ARL15: variants seen among roughly 807,000 people sequenced by gnomAD.
ARL15 encodes ADP-ribosylation factor-like protein 15.
In ARL15, 19 loss-of-function variants were observed where a neutral mutation model predicts 25.2. The observed-to-expected ratio is 0.75, with a 90% CI of 0.53 to 1.10. ARL15 has a LOEUF of 1.10. ARL15 is among the 50% of genes least tolerant of loss of function. The probability of loss-of-function intolerance (pLI) is 0.00; values close to 1 mark genes in which losing one functional copy is unlikely to be tolerated. For missense variants in ARL15, 220 were observed against 246.0 expected (o/e 0.89, Z 0.71); for synonymous variants, 94 against 86.8 (o/e 1.08, Z -0.46).
intron 1 of ARL15, among the ~76,000 whole-genome samples, chr5:54,295,313 C>T (rs913186351): frequency 1.7e-4 from 26 of 152,120 alleles, no homozygotes; most frequent in Non-Finnish European, 3.5e-4. Flanking sequence ...CAAAGATCCC[C>T]AGTATAGTTA....
chr5:53,907,050 C>T (rs1295593179), intron 4 of ARL15, among the ~76,000 whole-genome samples: 1 of 152,050 alleles, frequency 6.6e-6, no homozygotes, highest in Non-Finnish European at 1.5e-5. Flanking sequence ...GAAGCTGCTG[C>T]CTCTTCCTTC....
At chr5:54,102,438 CTGGACACAG>C (rs1752467717) in intron 4 of ARL15, among the ~76,000 whole-genome samples, 1 of 152,118 alleles carries the variant, frequency 6.6e-6, no homozygotes, top group Admixed American at 6.6e-5. Flanking sequence ...GGACATTTAT[CTGGACACAG>C]TGATTTGCTT....
At chr5:54,047,443 T>A (rs1441751278) in intron 4 of ARL15, among the ~76,000 whole-genome samples, 1 of 152,024 alleles carries the variant, frequency 6.6e-6, no homozygotes, top group Non-Finnish European at 1.5e-5. Flanking sequence ...GGGCTGGGGG[T>A]AGGCAGAGAA....
At chr5:54,023,786 C>T (rs73754415) in intron 4 of ARL15, among the ~76,000 whole-genome samples, 2,098 of 152,250 alleles carry the variant, frequency 0.014, 58 homozygotes, top group African/African-American at 0.048. Context: ...TGGTCCCTTC[C>T]CTGAGTTTTC....
intron 4 of ARL15, among the ~76,000 whole-genome samples, chr5:54,038,519 C>A (rs1459593241): frequency 6.6e-6 from 1 of 151,742 alleles, no homozygotes; most frequent in African/African-American, 2.4e-5. Context: ...CAAGTGTAAA[C>A]CTCATGTAAG....
chr5:54,114,678 T>A (rs1356452373), intron 3 of ARL15, among the ~76,000 whole-genome samples: 3 of 152,138 alleles, frequency 2.0e-5, no homozygotes, highest in African/African-American at 7.2e-5. Context: ...TTGTCATGTA[T>A]CTAATAAATC....
chr5:54,117,490 C>A (rs1201207139), intron 3 of ARL15, among the ~76,000 whole-genome samples: 1 of 151,712 alleles, frequency 6.6e-6, no homozygotes, highest in Non-Finnish European at 1.5e-5. Context: ...GTGAAAAGAT[C>A]CTTTTCTTTA....
At chr5:53,984,911 A>G (rs978278645) in intron 4 of ARL15, among the ~76,000 whole-genome samples, 26 of 152,172 alleles carry the variant, frequency 1.7e-4, no homozygotes, top group African/African-American at 6.0e-4. Flanking sequence ...TTGACCTTCA[A>G]TTATGGCTGT....
chr5:54,287,489 C>T (rs781438444), intron 1 of ARL15, among the ~76,000 whole-genome samples: 2 of 150,658 alleles, frequency 1.3e-5, no homozygotes, highest in Non-Finnish European at 3.0e-5. Context: ...CAGAAGAAAA[C>T]GGCATTCCAG....
intron 1 of ARL15, among the ~76,000 whole-genome samples, chr5:54,227,309 G>A (rs371657570): frequency 1.3e-5 from 2 of 152,236 alleles, no homozygotes; most frequent in African/African-American, 4.8e-5. Flanking sequence ...GCACAGGTGA[G>A]CCACAGCACA....
intron 4 of ARL15, among the ~76,000 whole-genome samples, chr5:54,076,245 T>C (rs1032550295): frequency 6.7e-6 from 1 of 148,692 alleles, no homozygotes; most frequent in African/African-American, 2.4e-5. Context: ...TGAAACCCCA[T>C]CTCTACTAAA....
At chr5:54,095,692 C>T (rs1752264750) in intron 4 of ARL15, among the ~76,000 whole-genome samples, 1 of 152,060 alleles carries the variant, frequency 6.6e-6, no homozygotes, top group Middle Eastern at 3.2e-3. Context: ...CTCTGTCTCA[C>T]AAATATATAA....
At chr5:54,240,568 A>G (rs1756933798) in intron 1 of ARL15, among the ~76,000 whole-genome samples, 1 of 152,164 alleles carries the variant, frequency 6.6e-6, no homozygotes, top group Admixed American at 6.5e-5. Context: ...TACCAACACC[A>G]TTCCCACTCC....
chr5:54,036,205 T>C (rs1264326968), intron 4 of ARL15, among the ~76,000 whole-genome samples: 1 of 151,814 alleles, frequency 6.6e-6, no homozygotes, highest in East Asian at 1.9e-4. Flanking sequence ...ATTCTGGGAA[T>C]CAAAGAAAAA....
chr5:54,181,121 C>G (rs1385243059), intron 1 of ARL15, among the ~76,000 whole-genome samples: 1 of 152,144 alleles, frequency 6.6e-6, no homozygotes, highest in Non-Finnish European at 1.5e-5. Context: ...ATATAATTCC[C>G]AGCTATGCAT....
intron 4 of ARL15, among the ~76,000 whole-genome samples, chr5:54,103,560 G>A (rs1035318320): frequency 6.6e-6 from 1 of 152,064 alleles, no homozygotes; most frequent in Non-Finnish European, 1.5e-5. Context: ...AGTGAAAGGA[G>A]GTACTATAAA....
intron 2 of ARL15, among the ~76,000 whole-genome samples, chr5:54,166,868 T>C (rs141560425): frequency 3.7e-4 from 56 of 152,318 alleles, no homozygotes; most frequent in African/African-American, 1.3e-3. Flanking sequence ...CTGATAATCT[T>C]TGACTGACTG....
At chr5:54,191,066 T>C (rs1309774239) in intron 1 of ARL15, among the ~76,000 whole-genome samples, 1 of 152,144 alleles carries the variant, frequency 6.6e-6, no homozygotes, top group Non-Finnish European at 1.5e-5. Flanking sequence ...CATATGTCCA[T>C]CAACAAATGA....
In ARL15 at chr5:54,069,373, C is replaced by T. The variant is rs180806933; in HGVS notation, c.462+43829G>A. The stretch of plus-strand genomic sequence containing the variant: ...ATCACCTCAGGTCAGGAGTTGGAGA[C>T]CAGCCTGGCCAACATGGCGAAACCC... On this transcript the variant is annotated intron_variant, in intron 4 of 4. Transcript: ENST00000504924. Among the ~76,000 whole-genome samples the T allele has an allele frequency of 7.2e-5, 11 of 151,934 alleles. No individual in the cohort carries two copies. In the East Asian group the frequency reaches 2.0e-3, roughly 27 times the overall value.
Sources: gnomAD v4.1 joint callset for allele counts (sites outside exome capture counted in the v4.1 genomes callset) on GRCh38, gnomAD v4.1.1 for gene constraint, MANE v1.5 for transcripts, NCBI Gene and HGNC (gene_info 2026-07-23, HGNC 2026-07-21) for gene names.